PCSK6: variants seen among roughly 807,000 people sequenced by gnomAD.
PCSK6 encodes paired basic amino acid cleaving enzyme 4.
In PCSK6, 85 loss-of-function variants were observed where a neutral mutation model predicts 123.3. The ratio of observed to expected loss-of-function variants is 0.69; its 90% CI spans 0.58 to 0.83. The LOEUF is 0.83. PCSK6 is among the 40% of genes least tolerant of loss of function. The pLI is 0.00. For synonymous variants in PCSK6, 508 were observed against 516.0 expected, an observed-to-expected ratio of 0.98 and a Z score of 0.21; for missense variants, 1,191 against 1,282.3, an observed-to-expected ratio of 0.93 and a Z score of 1.09.
intron 13 of PCSK6, among the ~76,000 whole-genome samples, chr15:101,364,673 CAG>C (rs889524784): frequency 2.0e-5 from 3 of 152,134 alleles, no homozygotes; most frequent in Non-Finnish European, 2.9e-5. Flanking sequence ...GCTAAATAAA[CAG>C]AAAACTATCC....
Position 101,389,530 on chromosome 15 carries a change from C to T in PCSK6, c.1244G>A (p.Gly415Asp). ...GGCAGAGACTGAGGTCCCAGTGTGGCCATCGGTACAGCGCTGACGCAGATC... is the reference window on the plus strand; with the variant it reads ...GGCAGAGACTGAGGTCCCAGTGTGGTCATCGGTACAGCGCTGACGCAGATC... ...TTDLRQRCTD[G>D]HTGTSVSAPM... Residue 415 changes from glycine (G) to aspartate (D), a missense_variant, in exon 9 of 22, where the codon GGC (glycine) becomes GAC (aspartate). Physicochemically the swap from Gly to Asp is moderately conservative, Grantham distance 94. Coordinates refer to ENST00000611716, the MANE Select transcript of PCSK6 (RefSeq NM_002570.5). 1 of 1,613,606 alleles carries T rather than the reference C, an allele frequency of 6.2e-7. No homozygotes were observed.
intron 15 of PCSK6, among the ~76,000 whole-genome samples, chr15:101,328,249 G>A (rs1025213391): frequency 6.6e-6 from 1 of 152,228 alleles, no homozygotes; most frequent in African/African-American, 2.4e-5. Context: ...CCCTGAGGAG[G>A]CAGCAGGTCT....
intron 6 of PCSK6, among the ~76,000 whole-genome samples, chr15:101,411,167 C>T (rs569813648): frequency 3.9e-5 from 6 of 152,268 alleles, no homozygotes; most frequent in East Asian, 3.9e-4. Context: ...CAGCAGGAGG[C>T]GGGGTCCTGG....
At chr15:101,352,507 T>C (rs1303933469) in intron 13 of PCSK6, among the ~76,000 whole-genome samples, 1 of 152,224 alleles carries the variant, frequency 6.6e-6, no homozygotes, top group Non-Finnish European at 1.5e-5. Context: ...AATTATTTTC[T>C]TTCCAAATGG....
chr15:101,315,405 C>T (rs375365738), intron 19 of PCSK6, among the ~76,000 whole-genome samples: 4 of 152,148 alleles, frequency 2.6e-5, no homozygotes, highest in African/African-American at 9.7e-5. Flanking sequence ...TCCATTAAGT[C>T]GCAAGTCTCT....
At chr15:101,430,629 T>C (rs2056416937) in intron 4 of PCSK6, among the ~76,000 whole-genome samples, 1 of 152,262 alleles carries the variant, frequency 6.6e-6, no homozygotes, top group Admixed American at 6.5e-5. Context: ...TTAAAATATA[T>C]GATAAAAGGT....
At chr15:101,380,646 T>G (rs2041889304) in intron 11 of PCSK6, among the ~76,000 whole-genome samples, 1 of 152,124 alleles carries the variant, frequency 6.6e-6, no homozygotes, top group East Asian at 1.9e-4. Flanking sequence ...AAAAAGGTGA[T>G]TTTTCAAAAG....
chr15:101,460,063 C>A (rs183576621), intron 1 of PCSK6, among the ~76,000 whole-genome samples: 1 of 151,986 alleles, frequency 6.6e-6, no homozygotes, highest in Non-Finnish European at 1.5e-5. Flanking sequence ...AACTGAGGGC[C>A]TCCTCCCCAC....
At chr15:101,367,419 C>A (rs1385428402) in intron 12 of PCSK6, among the ~76,000 whole-genome samples, 1 of 152,178 alleles carries the variant, frequency 6.6e-6, no homozygotes, top group Non-Finnish European at 1.5e-5. Context: ...GATTCAATTT[C>A]CAATCTGGGG....
intron 6 of PCSK6, among the ~76,000 whole-genome samples, chr15:101,423,302 C>T (rs1567209960): frequency 6.7e-6 from 1 of 150,298 alleles, no homozygotes; most frequent in Non-Finnish European, 1.5e-5. Context: ...CTCTGTCACC[C>T]AGGCTGGAAT....
Position 101,322,516 on chromosome 15 carries a change from T to C in PCSK6, c.2465+4A>G, listed in dbSNP as rs1288437589. 1 of 1,605,334 alleles carries C rather than the reference T, an allele frequency of 6.2e-7. No homozygotes were observed. The highest frequency in any genetic ancestry group is 8.5e-7 in the Non-Finnish European group (1 of 1,172,210). On this transcript the variant is annotated splice_donor_region_variant and intron_variant, in intron 18 of 21. Transcript: ENST00000611716. ...ACATTCCTCAGGTTTCGAGGGGGTT[T>C]TACCTGAATCCTTCTTTACAGACAG...
At chr15:101,322,975 C>T (rs983948412) in intron 17 of PCSK6, among the ~76,000 whole-genome samples, 1 of 152,188 alleles carries the variant, frequency 6.6e-6, no homozygotes, top group African/African-American at 2.4e-5. Context: ...CTGAGGCTGC[C>T]GCTTGCCCAC....
chr15:101,387,468 G>A (rs149924112), intron 9 of PCSK6, among the ~76,000 whole-genome samples: 179 of 152,366 alleles, frequency 1.2e-3, no homozygotes, highest in African/African-American at 4.2e-3. Flanking sequence ...GGTCCAGGGA[G>A]TGAGAAAGTT....
chr15:101,403,270 G>T (rs1455925716), intron 6 of PCSK6, among the ~76,000 whole-genome samples: 1,686 of 115,164 alleles, frequency 0.015, 16 homozygotes, highest in Admixed American at 0.034. Flanking sequence ...GGGGACTGTT[G>T]TGGGGTGGGG....
chr15:101,411,157 C>G (rs999155043), intron 6 of PCSK6, among the ~76,000 whole-genome samples: 3 of 152,220 alleles, frequency 2.0e-5, no homozygotes, highest in South Asian at 2.1e-4. Flanking sequence ...CATCAGGTAG[C>G]AGCAGGAGGC....
At chr15:101,412,704 TATA>T (rs1466430762) in intron 6 of PCSK6, among the ~76,000 whole-genome samples, 1 of 143,590 alleles carries the variant, frequency 7.0e-6, no homozygotes, top group African/African-American at 2.6e-5. Context: ...TATATATATA[TATA>T]TATATAAAAT....
At position 101,432,044 on chromosome 15, in the gene PCSK6, A is replaced by C; in HGVS notation, c.459T>G (p.Ser153Arg). Residue 153 changes from serine (S) to arginine (R), a missense_variant, in exon 3 of 22, where the codon AGT becomes AGG. By Grantham distance (110) the Ser-to-Arg change is moderately radical. Around this residue, in one of 3 missense-constraint regions of PCSK6, gnomAD observed 357 missense variants for 484.5 expected, o/e 0.74. Coordinates refer to ENST00000611716, the MANE Select transcript of PCSK6 (RefSeq NM_002570.5). The part of the protein sequence containing the change: ...VKRRVKRQVR[S>R]DPQALYFNDP... The stretch of plus-strand genomic sequence containing the variant: ...CGTTGAAGTAAAGGGCCTGCGGGTC[A>C]CTTCGCACCTGTCTCTTCACCCTTC... The C allele has an allele frequency of 5.0e-6, 8 of 1,613,770 alleles. No homozygotes were observed. The highest frequency in any genetic ancestry group is 6.8e-6 in the Non-Finnish European group (8 of 1,179,828).
chr15:101,306,293 TC>T (rs929078502), intron 21 of PCSK6, among the ~76,000 whole-genome samples: 10 of 152,016 alleles, frequency 6.6e-5, no homozygotes, highest in African/African-American at 2.4e-4. Context: ...GCAGGTGACT[TC>T]CCAAAGAAGT....
chr15:101,410,697 G>A (rs1201834279), intron 6 of PCSK6, among the ~76,000 whole-genome samples: 1 of 152,208 alleles, frequency 6.6e-6, no homozygotes, highest in Admixed American at 6.5e-5. Flanking sequence ...TTCTCATCTG[G>A]TCACCGCGAT....
Sources: gnomAD v4.1 joint callset for allele counts (sites outside exome capture counted in the v4.1 genomes callset) on GRCh38, gnomAD v4.1.1 for gene constraint, gnomAD v4.1.1 regional missense constraint, MANE v1.5 for transcripts, NCBI Gene and HGNC (gene_info 2026-07-23, HGNC 2026-07-21) for gene names.